The following ADAMTS20 variants were observed in gnomAD, a reference collection of about 807,000 sequenced individuals.
ADAMTS20 encodes ADAM metallopeptidase with thrombospondin type 1 motif 20.
In ADAMTS20, 225 loss-of-function variants were observed where a neutral mutation model predicts 260.1. The ratio of observed to expected loss-of-function variants is 0.87; its 90% CI spans 0.78 to 0.97. The LOEUF is 0.97. Ranked by LOEUF, ADAMTS20 falls within the 50% of genes least tolerant of loss-of-function variation. The probability of loss-of-function intolerance (pLI) is 0.00; values close to 1 mark genes in which losing one functional copy is unlikely to be tolerated. For synonymous variants in ADAMTS20, 802 were observed against 769.5 expected (o/e 1.04, Z -0.70); for missense variants, 2,400 against 2,337.7 (o/e 1.03, Z -0.55).
chr12:43,431,838 T>C (rs1480494844), intron 21 of ADAMTS20, among the ~76,000 whole-genome samples: 1 of 152,124 alleles, frequency 6.6e-6, no homozygotes, highest in Non-Finnish European at 1.5e-5. Context: ...ATACTGTAAA[T>C]AGTATAAAGA....
At chr12:43,398,158 G>T (rs1446170980) in intron 29 of ADAMTS20, among the ~76,000 whole-genome samples, 1 of 152,208 alleles carries the variant, frequency 6.6e-6, no homozygotes, top group Non-Finnish European at 1.5e-5. Flanking sequence ...ACTGAGAGCA[G>T]CCAGATGGCT....
intron 3 of ADAMTS20, among the ~76,000 whole-genome samples, chr12:43,521,293 C>T (rs1053513915): frequency 2.0e-5 from 3 of 152,176 alleles, no homozygotes; most frequent in Non-Finnish European, 4.4e-5. Flanking sequence ...ACTAAAAACC[C>T]TGGACTTCCT....
intron 28 of ADAMTS20, among the ~76,000 whole-genome samples, chr12:43,419,870 C>G (rs1941196378): frequency 6.6e-6 from 1 of 152,132 alleles, no homozygotes; most frequent in African/African-American, 2.4e-5. Flanking sequence ...ATTTTCTGAA[C>G]ATCATATCTA....
intron 3 of ADAMTS20, among the ~76,000 whole-genome samples, chr12:43,509,433 C>G (rs1012834077): frequency 6.6e-6 from 1 of 151,940 alleles, no homozygotes. Flanking sequence ...CTATACAACT[C>G]TTTGGCAAAG....
rs887124934 is a variant in ADAMTS20 at position 43,552,193 on chromosome 12, C to T, written c.-272G>A. ...AACTCTCTGCTCAGGTTCAGCTCGGCGCGGGGAAGCAACTCGACCTAGCAG... is the reference window on the plus strand; with the variant it reads ...AACTCTCTGCTCAGGTTCAGCTCGGTGCGGGGAAGCAACTCGACCTAGCAG... On this transcript the variant is annotated 5_prime_UTR_variant, in exon 1 of 39. Coordinates refer to ENST00000389420, the MANE Select transcript of ADAMTS20 (RefSeq NM_025003.5). Among the ~76,000 whole-genome samples, 1 of 152,224 alleles carries T rather than the reference C, an allele frequency of 6.6e-6. No individual in the cohort carries two copies. The highest frequency in any genetic ancestry group is 2.4e-5 in the African/African-American group (1 of 41,458).
intron 7 of ADAMTS20, among the ~76,000 whole-genome samples, chr12:43,476,083 A>T (rs879086756): frequency 1.0e-5 from 1 of 99,212 alleles, no homozygotes; most frequent in African/African-American, 4.0e-5. Context: ...GAAAATTTTC[A>T]CAACCTACTC....
chr12:43,426,376 A>G (rs1015884203), intron 27 of ADAMTS20, among the ~76,000 whole-genome samples: 1 of 152,202 alleles, frequency 6.6e-6, no homozygotes, highest in African/African-American at 2.4e-5. Flanking sequence ...AATGTGCTTG[A>G]TATGTATTAA....
chr12:43,468,948 CAA>C (rs1290222222), intron 7 of ADAMTS20, among the ~76,000 whole-genome samples: 1 of 151,700 alleles, frequency 6.6e-6, no homozygotes, highest in Non-Finnish European at 1.5e-5. Context: ...GTAGAGTGAG[CAA>C]ACAACTTTTT....
chr12:43,522,949 G>A (rs10880519), intron 3 of ADAMTS20, among the ~76,000 whole-genome samples: 53,742 of 152,040 alleles, frequency 0.35, 10,088 homozygotes, highest in East Asian at 0.76. Context: ...ATATTTTAGG[G>A]TCATAATGAA....
chr12:43,534,215 C>T (rs113605500), intron 2 of ADAMTS20, among the ~76,000 whole-genome samples: 724 of 141,194 alleles, frequency 5.1e-3, no homozygotes, highest in Non-Finnish European at 8.4e-3. Context: ...AGAAAATTTT[C>T]GCAACCTACT....
rs1193605994 is a variant in ADAMTS20, at chr12:43,452,660, C to T, written c.1796G>A (p.Arg599Lys). 1.2e-6 allele frequency: 2 copies of T among 1,611,052 alleles called. No homozygotes were observed. The highest frequency in any genetic ancestry group is 1.7e-5 in the Admixed American group (1 of 59,776). ...RNGGNYCVGR[R>K]MKFRSCNTDS... The stretch of plus-strand genomic sequence containing the variant: ...AGTATTACATGATCGAAATTTCATC[C>T]TGCGGCCCACACAGTAATTTCCTCC... Residue 599 changes from arginine (R) to lysine (K), a missense_variant, in exon 13 of 39, where the codon AGG (arginine) becomes AAG (lysine). Coordinates refer to ENST00000389420, the MANE Select transcript of ADAMTS20 (RefSeq NM_025003.5).
At chr12:43,482,967 A>G (rs1942464829) in intron 7 of ADAMTS20, among the ~76,000 whole-genome samples, 1 of 152,192 alleles carries the variant, frequency 6.6e-6, no homozygotes, top group Non-Finnish European at 1.5e-5. Flanking sequence ...CACTGCCTGC[A>G]TCAGCCTGGC....
intron 28 of ADAMTS20, among the ~76,000 whole-genome samples, chr12:43,413,385 T>G (rs1941070186): frequency 6.6e-6 from 1 of 152,156 alleles, no homozygotes; most frequent in Non-Finnish European, 1.5e-5. Flanking sequence ...TTTTTCAATG[T>G]TTACACCTTG....
At chr12:43,470,764 G>A (rs1244263859) in intron 7 of ADAMTS20, among the ~76,000 whole-genome samples, 1 of 152,162 alleles carries the variant, frequency 6.6e-6, no homozygotes, top group Non-Finnish European at 1.5e-5. Context: ...AGAAAATCTA[G>A]TAATTACTAC....
chr12:43,462,797 A>C (rs1200230523), intron 11 of ADAMTS20, 98 bp downstream of exon 11: 20 of 927,834 alleles, frequency 2.2e-5, no homozygotes, highest in Non-Finnish European at 3.1e-5. Flanking sequence ...TAGCTGAAGA[A>C]AAGTTGACAG....
intron 2 of ADAMTS20, among the ~76,000 whole-genome samples, chr12:43,542,790 C>T (rs1193036458): frequency 6.6e-6 from 1 of 152,202 alleles, no homozygotes; most frequent in Non-Finnish European, 1.5e-5. Flanking sequence ...AGGGATTATA[C>T]TGTCAAAGAA....
chr12:43,454,512 G>A (rs1461728025), intron 11 of ADAMTS20, among the ~76,000 whole-genome samples: 1 of 152,122 alleles, frequency 6.6e-6, no homozygotes, highest in Non-Finnish European at 1.5e-5. Context: ...GAAACTTACA[G>A]AAGAATCTAC....
At chr12:43,439,533 G>A in intron 18 of ADAMTS20, 89 bp downstream of exon 18, 1 of 1,464,940 alleles carries the variant, frequency 6.8e-7, no homozygotes, top group Non-Finnish European at 9.2e-7. Context: ...CAGTGGGGAG[G>A]ATTCCATAGG....
intron 16 of ADAMTS20, among the ~76,000 whole-genome samples, chr12:43,441,187 C>T (rs528521962): frequency 6.6e-6 from 1 of 152,178 alleles, no homozygotes; most frequent in Non-Finnish European, 1.5e-5. Context: ...CCTGTTAACA[C>T]ATACGTGGGT....
Sources: gnomAD v4.1 joint callset for allele counts (sites outside exome capture counted in the v4.1 genomes callset) on GRCh38, gnomAD v4.1.1 for gene constraint, MANE v1.5 for transcripts, NCBI Gene and HGNC (gene_info 2026-07-23, HGNC 2026-07-21) for gene names.